MND1: variants seen among roughly 807,000 people sequenced by gnomAD.
MND1 encodes the protein meiotic nuclear division protein 1 homolog.
Under a neutral mutation model 35.1 loss-of-function variants are expected in MND1, and 28 were observed. The observed-to-expected ratio is 0.80, with a 90% CI of 0.59 to 1.09. MND1 has a LOEUF of 1.09. Ranked by LOEUF, MND1 falls within the 50% of genes least tolerant of loss-of-function variation. The pLI is 0.00. For synonymous variants in MND1, 69 were observed against 70.5 expected (o/e 0.98, Z 0.11); for missense variants, 213 against 239.6 (o/e 0.89, Z 0.73).
chr4:153,355,634 C>T lies in MND1; in HGVS notation c.70-20C>T, dbSNP rs767129993. On this transcript the variant is annotated intron_variant, in intron 2 of 7. Coordinates refer to ENST00000240488, the MANE Select transcript of MND1 (RefSeq NM_032117.4). ...AAAATAAACACGTGCTTTTCATTTT[C>T]TTTAAAACCCTTTAAACAGAAAGAT... 3.9e-5 allele frequency: 59 copies of T among 1,510,996 alleles called. No homozygotes were observed. The highest frequency in any genetic ancestry group is 5.2e-5 in the Non-Finnish European group (57 of 1,093,704). The allele number at this position is 1,510,996 out of a possible 1,614,324, so 93.6% of individuals were successfully genotyped here.
chr4:153,388,897 TCTCAGTGGAGAGGGGA>T (rs1482383718), intron 4 of MND1, among the ~76,000 whole-genome samples: 1 of 152,156 alleles, frequency 6.6e-6, no homozygotes, highest in Non-Finnish European at 1.5e-5. Context: ...ACAGAACAGG[TCTCAGTGGAGAGGGGA>T]CTCAGGGGAT....
intron 7 of MND1, 60 bp downstream of exon 7, chr4:153,409,075 G>C: frequency 1.0e-6 from 1 of 979,724 alleles, no homozygotes; most frequent in Non-Finnish European, 1.4e-6. Context: ...TTACTGCGAC[G>C]TGAAATTCAG....
chr4:153,399,531 A>G lies in MND1; in HGVS notation c.466+2198A>G, dbSNP rs893306294. ...GCCAGACCAATTCATGAAGTGGGGA[A>G]AACTTGTATTTTAGGCATGTAATTT... is the stretch of plus-strand genomic sequence containing the variant. On this transcript the variant is annotated intron_variant, in intron 6 of 7. Transcript: ENST00000240488. Among the ~76,000 whole-genome samples, 23 of 152,190 alleles carry G rather than the reference A, an allele frequency of 1.5e-4. 1 individual carries two copies. The highest frequency in any genetic ancestry group is 8.8e-5 in the Non-Finnish European group (6 of 68,034).
intron 2 of MND1, among the ~76,000 whole-genome samples, chr4:153,351,990 A>G (rs1181903397): frequency 6.6e-6 from 1 of 152,174 alleles, no homozygotes; most frequent in Non-Finnish European, 1.5e-5. Flanking sequence ...AGCATATACT[A>G]TATTGCCTCT....
chr4:153,385,682 C>T (rs1728834686), intron 4 of MND1, among the ~76,000 whole-genome samples: 2 of 145,736 alleles, frequency 1.4e-5, no homozygotes, highest in Non-Finnish European at 3.0e-5. Flanking sequence ...TGCCACCGCA[C>T]TCTAGCCTGG....
chr4:153,358,659 A>G, intron 4 of MND1, 37 bp downstream of exon 4: 4 of 1,581,326 alleles, frequency 2.5e-6, no homozygotes, highest in South Asian at 1.2e-5. Flanking sequence ...GAGTTGCTTT[A>G]TAACGGAGAG....
At chr4:153,395,296 C>T (rs1729167715) in intron 5 of MND1, among the ~76,000 whole-genome samples, 1 of 152,122 alleles carries the variant, frequency 6.6e-6, no homozygotes, top group African/African-American at 2.4e-5. Flanking sequence ...TTTTTAAACA[C>T]TGGCAATAAC....
At chr4:153,384,573 G>A (rs1271545641) in intron 4 of MND1, among the ~76,000 whole-genome samples, 6 of 148,804 alleles carry the variant, frequency 4.0e-5, no homozygotes, top group African/African-American at 1.5e-4. Flanking sequence ...GATTACAGGC[G>A]TGAGCCACTA....
intron 4 of MND1, among the ~76,000 whole-genome samples, chr4:153,359,625 CCAACTA>C (rs1773430184): frequency 6.6e-6 from 1 of 152,210 alleles, no homozygotes; most frequent in Admixed American, 6.5e-5. Context: ...TTTTGCATTC[CCAACTA>C]CAGTGGGTAA....
chr4:153,405,787 C>A (rs1421472608), intron 6 of MND1, among the ~76,000 whole-genome samples: 2 of 152,068 alleles, frequency 1.3e-5, no homozygotes, highest in Admixed American at 1.3e-4. Flanking sequence ...AACTATGAAA[C>A]TCTTAGAAGA....
At chr4:153,389,291 A>G (rs988566428) in intron 4 of MND1, among the ~76,000 whole-genome samples, 3 of 152,232 alleles carry the variant, frequency 2.0e-5, no homozygotes, top group East Asian at 1.9e-4. Flanking sequence ...GCCATTATCA[A>G]TTGCATTATA....
intron 2 of MND1, among the ~76,000 whole-genome samples, chr4:153,350,617 A>G (rs1325856619): frequency 6.6e-6 from 1 of 152,230 alleles, no homozygotes; most frequent in East Asian, 1.9e-4. Flanking sequence ...TATTCCAGAT[A>G]TTTGTGCCTG....
intron 4 of MND1, among the ~76,000 whole-genome samples, chr4:153,361,261 A>G (rs1424976217): frequency 6.6e-6 from 1 of 152,160 alleles, no homozygotes; most frequent in Non-Finnish European, 1.5e-5. Flanking sequence ...GAAAATGTCT[A>G]ATTTATCATT....
chr4:153,383,894 G>A (rs895736604), intron 4 of MND1, among the ~76,000 whole-genome samples: 1 of 152,154 alleles, frequency 6.6e-6, no homozygotes, highest in Non-Finnish European at 1.5e-5. Flanking sequence ...ATGGATATTG[G>A]TAGACAATTA....
At chr4:153,363,009 T>A in intron 4 of MND1, 1 of 985,426 alleles carries the variant, frequency 1.0e-6, no homozygotes, top group Non-Finnish European at 1.2e-6. Flanking sequence ...CACCCCCACA[T>A]GAAGTGCAAG....
At chr4:153,359,876 C>G (rs565832446) in intron 4 of MND1, among the ~76,000 whole-genome samples, 1 of 148,678 alleles carries the variant, frequency 6.7e-6, no homozygotes, top group South Asian at 2.1e-4. Flanking sequence ...TAACTTCTGC[C>G]TCCCTGGTTC....
intron 1 of MND1, among the ~76,000 whole-genome samples, chr4:153,348,655 GTT>G (rs369698380): frequency 6.6e-6 from 1 of 151,350 alleles, no homozygotes; most frequent in Admixed American, 6.6e-5. Flanking sequence ...GTGGGTTGTT[GTT>G]TTTTTTTGTG....
At position 153,374,743 on chromosome 4, in the gene MND1, A is replaced by AT. The variant is rs140755340; in HGVS notation, c.276+16128dup. 2.9e-3 allele frequency among the ~76,000 whole-genome samples: 439 copies of AT among 151,788 alleles called. 2 individuals carry two copies. The highest frequency in any genetic ancestry group is 1.0e-2 in the African/African-American group (412 of 41,376). On this transcript the variant is annotated intron_variant, in intron 4 of 7. Transcript: ENST00000240488. ...CTTATAAGCTGAAAAATCAGGAAAC[A>AT]TTTTTTTCTCTTGCCTTTAGGTTGT...
At chr4:153,401,027 G>T (rs906338264) in intron 6 of MND1, among the ~76,000 whole-genome samples, 2 of 152,152 alleles carry the variant, frequency 1.3e-5, no homozygotes, top group Non-Finnish European at 2.9e-5. Context: ...ATTAAATTTT[G>T]CAGAAGAAAG....
Sources: gnomAD v4.1 joint callset for allele counts (sites outside exome capture counted in the v4.1 genomes callset) on GRCh38, gnomAD v4.1.1 for gene constraint, MANE v1.5 for transcripts, NCBI Gene and HGNC (gene_info 2026-07-23, HGNC 2026-07-21) for gene names.